DLG1: variants seen among roughly 807,000 people sequenced by gnomAD.
DLG1 encodes disks large homolog 1.
DLG1 carries 42 observed loss-of-function variants against 123.4 expected under a neutral mutation model. The ratio of observed to expected loss-of-function variants is 0.34; its 90% CI spans 0.27 to 0.44. The LOEUF (loss-of-function observed/expected upper bound fraction) is 0.44, where lower values mean the gene tolerates loss of function less well. Ranked by LOEUF, DLG1 falls within the 20% of genes least tolerant of loss-of-function variation. The pLI is 1.00. For synonymous variants in DLG1, 317 were observed against 356.2 expected, an observed-to-expected ratio of 0.89 and a Z score of 1.24; for missense variants, 942 against 1,082.6, an observed-to-expected ratio of 0.87 and a Z score of 1.82.
chr3:197,175,434 A>G (rs1806486072), intron 5 of DLG1, among the ~76,000 whole-genome samples: 1 of 152,196 alleles, frequency 6.6e-6, no homozygotes, highest in Non-Finnish European at 1.5e-5. Context: ...TAAATGCTTC[A>G]CAATTTTTTC....
At chr3:197,109,970 T>C (rs907089580) in intron 13 of DLG1, among the ~76,000 whole-genome samples, 1 of 152,242 alleles carries the variant, frequency 6.6e-6, no homozygotes, top group Non-Finnish European at 1.5e-5. Context: ...GTCTATGTTG[T>C]AGATCTCTTT....
At chr3:197,060,202 CAAAT>C (rs1410147132) in intron 22 of DLG1, among the ~76,000 whole-genome samples, 1 of 152,116 alleles carries the variant, frequency 6.6e-6, no homozygotes, top group Non-Finnish European at 1.5e-5. Flanking sequence ...CATTTTCAAA[CAAAT>C]GTTATATTTA....
At chr3:197,059,416 T>G (rs1734222500) in intron 23 of DLG1, among the ~76,000 whole-genome samples, 1 of 152,210 alleles carries the variant, frequency 6.6e-6, no homozygotes, top group Admixed American at 6.5e-5. Flanking sequence ...CCCCTTGTCT[T>G]TTAATTGGAA....
chr3:197,047,665 A>G (rs1724283958), intron 24 of DLG1, among the ~76,000 whole-genome samples: 1 of 151,302 alleles, frequency 6.6e-6, no homozygotes, highest in African/African-American at 2.4e-5. Flanking sequence ...AGGGGCCAAG[A>G]CTACACAATA....
intron 10 of DLG1, 99 bp downstream of exon 10, chr3:197,136,443 A>G: frequency 1.1e-6 from 1 of 934,300 alleles, no homozygotes; most frequent in Non-Finnish European, 1.6e-6. Flanking sequence ...TAATTTAAAC[A>G]TCATTTAGAC....
At chr3:197,104,803 AG>A (rs1391828659) in intron 14 of DLG1, 99 bp downstream of exon 14, 3 of 821,592 alleles carry the variant, frequency 3.7e-6, no homozygotes, top group Non-Finnish European at 6.0e-6. Flanking sequence ...AGCACAAAAA[AG>A]GAAGTTTAGC....
chr3:197,108,996 T>C (rs1402205305), intron 13 of DLG1, among the ~76,000 whole-genome samples: 1 of 152,216 alleles, frequency 6.6e-6, no homozygotes, highest in East Asian at 1.9e-4. Context: ...TTAATTCCCA[T>C]GTCATTAATT....
chr3:197,231,222 G>T (rs1356343944), intron 4 of DLG1, among the ~76,000 whole-genome samples: 3 of 101,366 alleles, frequency 3.0e-5, no homozygotes, highest in Non-Finnish European at 7.0e-5. Flanking sequence ...AATTAATGCT[G>T]TGGTTTGCTT....
intron 4 of DLG1, among the ~76,000 whole-genome samples, chr3:197,195,306 C>T (rs143512778): frequency 2.0e-5 from 3 of 148,562 alleles, no homozygotes; most frequent in East Asian, 2.0e-4. Flanking sequence ...AAAAAAAAAG[C>T]GAACATAAAG....
intron 4 of DLG1, among the ~76,000 whole-genome samples, chr3:197,227,576 T>G (rs2122824): frequency 0.56 from 85,558 of 152,072 alleles, 24,619 homozygotes; most frequent in East Asian, 0.79. Context: ...CTCTGTATGC[T>G]TAGTAAGCAA....
chr3:197,127,480 ATATATATATATATAT>A lies in DLG1; in HGVS notation c.1165+3032_1165+3046del, dbSNP rs1560878623. On this transcript the variant is annotated intron_variant, in intron 11 of 24. Coordinates refer to ENST00000667157, the MANE Select transcript of DLG1 (RefSeq NM_001366207.1). ...AAAATATATATATATATATATATATATATATATATATATATAAAGTAAGAAACCTAAAAATACGTA... is the reference window on the plus strand; with the variant it reads ...AAAATATATATATATATATATATATAAAAGTAAGAAACCTAAAAATACGTA... Among the ~76,000 whole-genome samples, 240 of 114,632 alleles carry A rather than the reference ATATATATATATATAT, an allele frequency of 2.1e-3. 3 individuals are homozygous for A. Among genetic ancestry groups the A allele is most frequent in the Middle Eastern group, 4.2e-3 (1 of 236 alleles). 75.2% of individuals were successfully genotyped at this position (114,632 alleles called of 152,430 possible). A position where few individuals can be genotyped will look rare whatever the true frequency, so the allele number is the denominator to read the frequency against.
intron 22 of DLG1, among the ~76,000 whole-genome samples, chr3:197,062,959 A>C (rs555784116): frequency 6.6e-6 from 1 of 152,122 alleles, no homozygotes; most frequent in African/African-American, 2.4e-5. Flanking sequence ...CACTCCCACT[A>C]CTGCCATTGT....
At chr3:197,140,326 T>A in intron 7 of DLG1, 62 bp from the exon 8 acceptor site, 1 of 1,548,412 alleles carries the variant, frequency 6.5e-7, no homozygotes, top group Non-Finnish European at 8.8e-7. Context: ...CAGGTTCCTG[T>A]CATTAAAGGA....
At chr3:197,165,514 T>G (rs1380334064) in intron 5 of DLG1, among the ~76,000 whole-genome samples, 1 of 147,048 alleles carries the variant, frequency 6.8e-6, no homozygotes, top group African/African-American at 2.5e-5. Context: ...ATGGTAAACT[T>G]GATGTAAACT....
Position 197,069,136 on chromosome 3 carries a change from AACATATC to A in DLG1, c.2047+76_2047+82del. The A allele has an allele frequency of 3.4e-6, 3 of 874,262 alleles. No individual in the cohort carries two copies. In the South Asian group the frequency reaches 7.2e-5, roughly 21 times the overall value. 54.2% of individuals were successfully genotyped at this position (874,262 alleles called of 1,614,324 possible). Reference sequence around the variant, plus strand: ...CGATCATATAACTTCAGGTTTTTATAACATATCACTCAGAATCCCTCCACCCCTGCAG... The same window carrying A: ...CGATCATATAACTTCAGGTTTTTATAACTCAGAATCCCTCCACCCCTGCAG... On this transcript the variant is annotated intron_variant, in intron 19 of 24. Coordinates refer to ENST00000667157, the MANE Select transcript of DLG1 (RefSeq NM_001366207.1).
chr3:197,208,236 A>T lies in DLG1; in HGVS notation c.319-13647T>A, dbSNP rs972642217. 3.4e-5 allele frequency among the ~76,000 whole-genome samples: 5 copies of T among 146,792 alleles called. 1 individual carries two copies. Among genetic ancestry groups the T allele is most frequent in the African/African-American group, 4.9e-5 (2 of 41,202 alleles). On this transcript the variant is annotated intron_variant, in intron 4 of 24. Coordinates refer to ENST00000667157, the MANE Select transcript of DLG1 (RefSeq NM_001366207.1). ...TTCTCACATTATCAGATTGTCAAAT[A>T]TCCAAGTTTGATAACATACTATATA... is the stretch of plus-strand genomic sequence containing the variant.
At chr3:197,134,474 A>C (rs1186444119) in intron 10 of DLG1, among the ~76,000 whole-genome samples, 1 of 24,912 alleles carries the variant, frequency 4.0e-5, no homozygotes, top group Admixed American at 4.5e-4. Flanking sequence ...CATAATACCA[A>C]AAAAAAAAAA....
At chr3:197,250,980 CAAA>C (rs34378051) in intron 4 of DLG1, among the ~76,000 whole-genome samples, 8 of 87,084 alleles carry the variant, frequency 9.2e-5, no homozygotes, top group Non-Finnish European at 9.3e-5. Flanking sequence ...AAGACTCCAT[CAAA>C]AAAAAAAAAA....
At chr3:197,160,490 T>C (rs2149881040) in intron 5 of DLG1, among the ~76,000 whole-genome samples, 1 of 152,284 alleles carries the variant, frequency 6.6e-6, no homozygotes, top group East Asian at 1.9e-4. Context: ...AATTCAATTT[T>C]TTTCCTGCAA....
Sources: gnomAD v4.1 joint callset for allele counts (sites outside exome capture counted in the v4.1 genomes callset) on GRCh38, gnomAD v4.1.1 for gene constraint, MANE v1.5 for transcripts, NCBI Gene and HGNC (gene_info 2026-07-23, HGNC 2026-07-21) for gene names.